Variants in RBM10 observed in about 807,000 individuals in gnomAD.
RBM10 encodes RNA binding motif protein 10.
In RBM10, 1 loss-of-function variant was observed where a neutral mutation model predicts 84.9. That is an observed-to-expected ratio of 0.01 (90% CI 0.00 to 0.06). The LOEUF is 0.06. Among genes scored for constraint, RBM10 ranks in the 10% least tolerant of loss-of-function variants. The pLI is 1.00. For missense variants in RBM10, 438 were observed against 839.0 expected, an observed-to-expected ratio of 0.52 and a Z score of 5.90; for synonymous variants, 326 against 344.5, an observed-to-expected ratio of 0.95 and a Z score of 0.60.
At chrX:47,159,808 A>G (rs1933521337) in intron 2 of RBM10, among the ~76,000 whole-genome samples, 2 of 111,832 alleles carry the variant, frequency 1.8e-5, no homozygotes, top group South Asian at 7.4e-4. Context: ...ACCTCTCACC[A>G]TATACAAAAA....
intron 2 of RBM10, among the ~76,000 whole-genome samples, chrX:47,155,886 C>T (rs1310373798): frequency 6.9e-5 from 7 of 101,442 alleles, no homozygotes; most frequent in Non-Finnish European, 4.0e-5. Flanking sequence ...CTCAGCTCAC[C>T]GCAACCTCTG....
chrX:47,161,480 T>C (rs1933671531), intron 2 of RBM10, among the ~76,000 whole-genome samples: 2 of 109,146 alleles, frequency 1.8e-5, no homozygotes, highest in Admixed American at 2.0e-4. Context: ...TTATAATGTT[T>C]TAATATTTGC....
chrX:47,170,025 G>A (rs1382769517), intron 3 of RBM10, among the ~76,000 whole-genome samples: 1 of 112,992 alleles, frequency 8.9e-6, no homozygotes, highest in African/African-American at 3.2e-5. Context: ...GATGAGGCGC[G>A]ATGTTTACAC....
At chrX:47,180,342 T>TACC in intron 11 of RBM10, 33 bp downstream of exon 11, 1 of 1,059,482 alleles carries the variant, frequency 9.4e-7, no homozygotes, top group Non-Finnish European at 1.3e-6. Flanking sequence ...TTCCCACCCT[T>TACC]CCCCTCCCCA....
chrX:47,179,868 C>T lies in RBM10; in HGVS notation c.902-12C>T, dbSNP rs1556778110. ...CCAGGGGTGTCCTCTAACATTGGGCCCCTTCCCACAGCCATCATTTTGCGC... is the reference window on the plus strand; with the variant it reads ...CCAGGGGTGTCCTCTAACATTGGGCTCCTTCCCACAGCCATCATTTTGCGC... On this transcript the variant is annotated splice_polypyrimidine_tract_variant and intron_variant, in intron 9 of 23. Transcript: ENST00000377604. The T allele has an allele frequency of 1.6e-5, 19 of 1,200,768 alleles. No individual in the cohort carries two copies. Among genetic ancestry groups the T allele is most frequent in the Non-Finnish European group, 1.9e-5 (17 of 890,093 alleles).
chrX:47,182,840 G>A (rs991539382), intron 17 of RBM10, among the ~76,000 whole-genome samples: 2 of 112,417 alleles, frequency 1.8e-5, no homozygotes, highest in Non-Finnish European at 3.8e-5. Context: ...GTGCTGGGGG[G>A]AACATGGAAA....
intron 2 of RBM10, among the ~76,000 whole-genome samples, chrX:47,164,252 AT>A (rs1556768002): frequency 9.0e-6 from 1 of 111,683 alleles, no homozygotes; most frequent in Non-Finnish European, 1.9e-5. Context: ...TGTAAATAAT[AT>A]ATCTGGTAAG....
chrX:47,147,215 T>C, intron 1 of RBM10, 142 bp from the exon 2 acceptor site: 2 of 628,209 alleles, frequency 3.2e-6, no homozygotes, highest in Non-Finnish European at 5.1e-6. Context: ...ACCTTCATAC[T>C]GTGATGCACA....
intron 9 of RBM10, 93 bp downstream of exon 9, chrX:47,179,588 C>T: frequency 1.0e-6 from 1 of 975,992 alleles, no homozygotes; most frequent in Non-Finnish European, 1.4e-6. Flanking sequence ...ACCTCATCCT[C>T]ATGGAATCTC....
Position 47,186,347 on chromosome X carries a change from G to T in RBM10, c.2627G>T (p.Gly876Val). ...GCCATGGGCTGGAAAGAGGGCAGCGGCCTGGGCCGCAAGAAGCAGGGCATT... is the reference window on the plus strand; with the variant it reads ...GCCATGGGCTGGAAAGAGGGCAGCGTCCTGGGCCGCAAGAAGCAGGGCATT... ...LQAMGWKEGS[G>V]LGRKKQGIVT... is the part of the protein sequence containing the mutation. The change falls in exon 23 of 24, where the codon GGC (glycine) becomes GTC (valine). Residue 876 changes from glycine (G) to valine (V), a missense_variant. Physicochemically the swap from Gly to Val is moderately radical, Grantham distance 109. This residue lies in a region of RBM10 where 92 missense variants were observed against 199.9 expected (regional missense o/e 0.46). Coordinates refer to ENST00000377604, the MANE Select transcript of RBM10 (RefSeq NM_005676.5). 8.3e-7 allele frequency: 1 copy of T among 1,198,552 alleles called. No individual in the cohort carries two copies. The highest frequency in any genetic ancestry group is 1.1e-6 in the Non-Finnish European group (1 of 888,379).
At chrX:47,162,882 T>C (rs1235114715) in intron 2 of RBM10, among the ~76,000 whole-genome samples, 18 of 105,094 alleles carry the variant, frequency 1.7e-4, no homozygotes, top group African/African-American at 5.3e-4. Context: ...AAAAAAAAAA[T>C]AGAGTATGGA....
At chrX:47,179,197 C>T (rs1449458503) in intron 8 of RBM10, 34 bp downstream of exon 8, 20 of 1,201,363 alleles carry the variant, frequency 1.7e-5, no homozygotes, top group Non-Finnish European at 1.8e-5. Context: ...CTCTCCAGGG[C>T]GGAGCGGTTG....
intron 2 of RBM10, among the ~76,000 whole-genome samples, chrX:47,168,969 G>A (rs781786091): frequency 9.0e-6 from 1 of 111,064 alleles, no homozygotes; most frequent in East Asian, 2.8e-4. Flanking sequence ...ATGGAGAGAG[G>A]CAGGTTGCAC....
chrX:47,175,932 C>T (rs1325427132), intron 6 of RBM10, among the ~76,000 whole-genome samples: 1 of 112,211 alleles, frequency 8.9e-6, no homozygotes, highest in African/African-American at 3.2e-5. Context: ...ATGGGGGATC[C>T]CGGCAGAGGC....
rs1556766977 is a variant in RBM10, at chrX:47,162,186, T to C, written c.18-7129T>C. Among the ~76,000 whole-genome samples, 2 of 112,390 alleles carry C rather than the reference T, an allele frequency of 1.8e-5. 1 individual carries two copies. Among genetic ancestry groups the C allele is most frequent in the Non-Finnish European group, 3.8e-5 (2 of 53,277 alleles). ...AATGCTACAGTAACTTTTTTGTACA[T>C]GTGCAAGTATGTGTATACTTTAAAT... On this transcript the variant is annotated intron_variant, in intron 2 of 23. Coordinates refer to ENST00000377604, the MANE Select transcript of RBM10 (RefSeq NM_005676.5).
At position 47,168,825 on chromosome X, in the gene RBM10, A is replaced by G. The variant is rs187830235; in HGVS notation, c.18-490A>G. On this transcript the variant is annotated intron_variant, in intron 2 of 23. Coordinates refer to ENST00000377604, the MANE Select transcript of RBM10 (RefSeq NM_005676.5). ...GGGTTTGAGTGGCTTTGCCTTAGAA[A>G]GCACTCACATTTGGGATTTGGGATG... 3.2e-3 allele frequency among the ~76,000 whole-genome samples: 354 copies of G among 111,098 alleles called. 2 individuals are homozygous for G. Among genetic ancestry groups the G allele is most frequent in the Middle Eastern group, 9.2e-3 (2 of 217 alleles).
At position 47,159,552 on chromosome X, in the gene RBM10, G is replaced by A. The variant is rs188563345; in HGVS notation, c.18-9763G>A. On this transcript the variant is annotated intron_variant, in intron 2 of 23. Coordinates refer to ENST00000377604, the MANE Select transcript of RBM10 (RefSeq NM_005676.5). Reference sequence around the variant, plus strand: ...CTAAGCAAAAAGAACAAAGCCAGAGGCATCACATTGTCCAACTTCAAACTA... The same window carrying A: ...CTAAGCAAAAAGAACAAAGCCAGAGACATCACATTGTCCAACTTCAAACTA... 2.7e-5 allele frequency among the ~76,000 whole-genome samples: 3 copies of A among 111,585 alleles called. No individual in the cohort carries two copies. The East Asian group carries it at 8.4e-4, about 31-fold the overall frequency.
In RBM10 at chrX:47,185,333, T is replaced by C; in HGVS notation, c.2132T>C (p.Met711Thr). The change falls in exon 19 of 24, where the codon ATG (methionine) becomes ACG (threonine). Residue 711 changes from methionine to threonine, a missense_variant. By Grantham distance (81) the Met-to-Thr change is moderately conservative (BLOSUM62 -1). Around this residue, in one of 8 missense-constraint regions of RBM10, gnomAD observed 21 missense variants for 16.1 expected, o/e 1.30. Coordinates refer to ENST00000377604, the MANE Select transcript of RBM10 (RefSeq NM_005676.5). ...CTAGCCGAGAGACAGCACACCAGCA[T>C]GGATCTCCCGAAATTGGCCAGTGAC... is the stretch of plus-strand genomic sequence containing the variant. Reference protein sequence around the residue: ...GALAERQHTSMDLPKLASDDR... With the variant: ...GALAERQHTSTDLPKLASDDR... 8.3e-7 allele frequency: 1 copy of C among 1,209,028 alleles called. No homozygotes were observed. The highest frequency in any genetic ancestry group is 1.8e-5 in the South Asian group (1 of 56,456).
intron 2 of RBM10, chrX:47,156,945 C>T (rs1056421889): frequency 1.7e-5 from 4 of 232,752 alleles, no homozygotes; most frequent in Non-Finnish European, 2.5e-5. Context: ...GATGTGGTTC[C>T]AGAGGTCTGT....
Sources: allele counts gnomAD v4.1 joint callset (sites outside exome capture counted in the v4.1 genomes callset), GRCh38; gene constraint gnomAD v4.1.1; regional missense constraint gnomAD v4.1.1; transcripts MANE v1.5; gene names NCBI Gene and HGNC (gene_info 2026-07-23, HGNC 2026-07-21).